The following CTPS2 variants were observed in gnomAD, a reference collection of about 807,000 sequenced individuals.
CTPS2 encodes CTP synthase II.
A neutral mutation model predicts 46.8 loss-of-function variants in CTPS2; 19 were observed. The ratio of observed to expected loss-of-function variants is 0.41; its 90% CI spans 0.28 to 0.60. CTPS2 has a LOEUF of 0.60. Among genes scored for constraint, CTPS2 ranks in the 20% least tolerant of loss-of-function variants. CTPS2 has a pLI of 0.35. For synonymous variants in CTPS2, 151 were observed against 165.2 expected (o/e 0.91, Z 0.66); for missense variants, 286 against 447.6 (o/e 0.64, Z 3.26).
intron 10 of CTPS2, among the ~76,000 whole-genome samples, chrX:16,673,165 C>T (rs1270840329): frequency 1.8e-5 from 2 of 110,461 alleles, no homozygotes; most frequent in Non-Finnish European, 3.8e-5. Flanking sequence ...GGATTACAGG[C>T]GTGAGCCACC....
At chrX:16,703,255 G>A (rs1924722384) in intron 1 of CTPS2, among the ~76,000 whole-genome samples, 3 of 109,820 alleles carry the variant, frequency 2.7e-5, no homozygotes, top group African/African-American at 9.9e-5. Context: ...TCCAACTCCT[G>A]AGCTCAAGCA....
At chrX:16,615,617 A>G (rs1335882925) in intron 16 of CTPS2, among the ~76,000 whole-genome samples, 3 of 111,629 alleles carry the variant, frequency 2.7e-5, no homozygotes, top group Non-Finnish European at 3.8e-5. Context: ...CTACACAGAA[A>G]GGCCAAGAAG....
chrX:16,609,217 A>G (rs73448252), intron 17 of CTPS2, among the ~76,000 whole-genome samples: 2,797 of 111,336 alleles, frequency 0.025, 99 homozygotes, highest in African/African-American at 0.086. Context: ...ATATGAACAA[A>G]CTATTCATAA....
Position 16,619,141 on chromosome X carries a change from C to A in CTPS2, c.1449+1136G>T, listed in dbSNP as rs533803436. Among the ~76,000 whole-genome samples the A allele has an allele frequency of 5.3e-5, 6 of 112,326 alleles. No individual in the cohort carries two copies. In the South Asian group the frequency reaches 2.2e-3, roughly 42 times the overall value. On this transcript the variant is annotated intron_variant, in intron 15 of 18. Transcript: ENST00000359276. ...CATGTACCAAATTATGTTCCTTGGT[C>A]ATAGTGACACTGTTCATTGCCTACT...
chrX:16,640,724 T>C (rs895404034), intron 13 of CTPS2, among the ~76,000 whole-genome samples: 1 of 112,051 alleles, frequency 8.9e-6, no homozygotes, highest in African/African-American at 3.2e-5. Flanking sequence ...TGAGTCGACC[T>C]GTTCTAATGG....
chrX:16,598,040 A>G (rs1369453283), intron 17 of CTPS2, among the ~76,000 whole-genome samples: 12 of 109,051 alleles, frequency 1.1e-4, no homozygotes, highest in African/African-American at 1.7e-4. Flanking sequence ...TTGTACATTG[A>G]TTTTGTATCC....
chrX:16,666,322 C>T (rs1921178938), intron 13 of CTPS2, among the ~76,000 whole-genome samples: 2 of 111,480 alleles, frequency 1.8e-5, no homozygotes, highest in African/African-American at 6.5e-5. Context: ...GAAAGGTTTC[C>T]TCAGATGAAT....
At chrX:16,647,576 C>T (rs1180063100) in intron 13 of CTPS2, among the ~76,000 whole-genome samples, 2 of 109,988 alleles carry the variant, frequency 1.8e-5, no homozygotes, top group African/African-American at 6.6e-5. Flanking sequence ...CCGCATTGGG[C>T]TGATTCTAAT....
At chrX:16,678,238 G>A (rs1922442138) in intron 10 of CTPS2, 124 bp downstream of exon 10, 3 of 525,102 alleles carry the variant, frequency 5.7e-6, no homozygotes, top group African/African-American at 4.6e-5. Flanking sequence ...CACCTGCAAA[G>A]ACCACAAGTA....
intron 11 of CTPS2, among the ~76,000 whole-genome samples, chrX:16,668,601 A>G (rs1401439383): frequency 9.7e-6 from 1 of 103,506 alleles, no homozygotes; most frequent in African/African-American, 3.5e-5. Flanking sequence ...AAAGAAAATA[A>G]AAAGAGAGAG....
intron 8 of CTPS2, among the ~76,000 whole-genome samples, chrX:16,686,903 C>CAA (rs61694614): frequency 1.1e-5 from 1 of 89,530 alleles, no homozygotes; most frequent in Non-Finnish European, 2.2e-5. Context: ...GACTCCATCT[C>CAA]AAAAAAAAAA....
intron 13 of CTPS2, among the ~76,000 whole-genome samples, chrX:16,649,073 C>T (rs1299463538): frequency 8.9e-6 from 1 of 112,404 alleles, no homozygotes; most frequent in Admixed American, 9.4e-5. Context: ...CTACTTATTT[C>T]ATGGAACTCT....
At chrX:16,602,175 C>T (rs757414895) in intron 17 of CTPS2, among the ~76,000 whole-genome samples, 11 of 111,291 alleles carry the variant, frequency 9.9e-5, no homozygotes, top group Admixed American at 1.9e-4. Context: ...AACCTGGGAG[C>T]ATTCCCTGGG....
intron 16 of CTPS2, among the ~76,000 whole-genome samples, chrX:16,615,564 T>C (rs1278574454): frequency 9.0e-6 from 1 of 111,140 alleles, no homozygotes; most frequent in East Asian, 2.8e-4. Flanking sequence ...CATAAGACCC[T>C]CATTCCAGAT....
At chrX:16,599,481 T>C (rs1279685759) in intron 17 of CTPS2, among the ~76,000 whole-genome samples, 4 of 104,308 alleles carry the variant, frequency 3.8e-5, no homozygotes, top group Non-Finnish European at 5.9e-5. Context: ...TTTTTCTTTT[T>C]TTTTTTTTTT....
At position 16,639,061 on chromosome X, in the gene CTPS2, A is replaced by T. The variant is rs1323024056; in HGVS notation, c.1393+86T>A. On this transcript the variant is annotated intron_variant, in intron 14 of 18. Transcript: ENST00000359276. ...CGAGGATGCTGGAAGGGGCAGGGGGAGTCTCCACCACCCAGAGTGCTGGGC... is the reference window on the plus strand; with the variant it reads ...CGAGGATGCTGGAAGGGGCAGGGGGTGTCTCCACCACCCAGAGTGCTGGGC... The T allele has an allele frequency of 3.5e-5, 24 of 686,701 alleles. No homozygotes were observed. The East Asian group carries it at 7.8e-4, about 22-fold the overall frequency. 56.6% of individuals were successfully genotyped at this position (686,701 alleles called of 1,213,427 possible). A position where few individuals can be genotyped will look rare whatever the true frequency, so the allele number is the denominator to read the frequency against.
At chrX:16,639,777 A>AAAAAG (rs781289686) in intron 13 of CTPS2, among the ~76,000 whole-genome samples, 3,870 of 72,603 alleles carry the variant, frequency 0.053, 122 homozygotes, top group Middle Eastern at 0.077. Flanking sequence ...AAAGGAAAAG[A>AAAAAG]AAAGAAAGAA....
At chrX:16,700,300 G>A (rs896255140) in intron 2 of CTPS2, among the ~76,000 whole-genome samples, 3 of 109,283 alleles carry the variant, frequency 2.7e-5, no homozygotes, top group Non-Finnish European at 3.8e-5. Context: ...TGTATTTTTA[G>A]TACAGACAGG....
rs6654002 is a variant in CTPS2, at chrX:16,642,135, A to G, written c.1297-2892T>C. Among the ~76,000 whole-genome samples the G allele has an allele frequency of 1.5e-3, 163 of 112,343 alleles. 1 individual carries two copies. Among genetic ancestry groups the G allele is most frequent in the African/African-American group, 5.0e-3 (156 of 30,941 alleles). On this transcript the variant is annotated intron_variant, in intron 13 of 18. Coordinates refer to ENST00000359276, the MANE Select transcript of CTPS2 (RefSeq NM_175859.3). ...ATGAAAATACAAGTTTAAGTCATCA[A>G]GAGTAAAATGTAGTATTTAGGCCTT...
Sources: gnomAD v4.1 joint callset for allele counts (sites outside exome capture counted in the v4.1 genomes callset) on GRCh38, gnomAD v4.1.1 for gene constraint, MANE v1.5 for transcripts, NCBI Gene and HGNC (gene_info 2026-07-23, HGNC 2026-07-21) for gene names.